Variants in TMEM248 observed in about 807,000 individuals in gnomAD.
TMEM248 encodes the protein UPF0458 protein C7orf42.
A neutral mutation model predicts 30.3 loss-of-function variants in TMEM248; 9 were observed. That is an observed-to-expected ratio of 0.30 (90% CI 0.18 to 0.52). TMEM248 has a LOEUF of 0.52. Among genes scored for constraint, TMEM248 ranks in the 20% least tolerant of loss-of-function variants. The probability of loss-of-function intolerance (pLI) is 0.97; values close to 1 mark genes in which losing one functional copy is unlikely to be tolerated. For synonymous variants in TMEM248, 184 were observed against 154.4 expected (o/e 1.19, Z -1.42); for missense variants, 338 against 403.3 (o/e 0.84, Z 1.39).
In TMEM248 at chr7:66,948,687, G is replaced by A. The variant is rs764985004; in HGVS notation, c.589G>A (p.Val197Ile). Reference protein sequence around the residue: ...TLTASPGVFPVTVQPPHCVPD... With the variant: ...TLTASPGVFPITVQPPHCVPD... ...CACGGCCAGCCCTGGGGTGTTCCCC[G>A]TCACTGTGTAAGTGTACCCGGCACC... The change falls in exon 4 of 7, where the codon GTC (valine) becomes ATC (isoleucine). Residue 197 changes from valine to isoleucine, a missense_variant. Physicochemically the swap from Val to Ile is conservative, Grantham distance 29. Coordinates refer to ENST00000341567, the MANE Select transcript of TMEM248 (RefSeq NM_017994.5). 7.5e-6 allele frequency: 12 copies of A among 1,609,714 alleles called. No homozygotes were observed. Among genetic ancestry groups the A allele is most frequent in the Middle Eastern group, 3.3e-4 (2 of 5,986 alleles).
At chr7:66,942,896 G>A (rs1312459742) in intron 2 of TMEM248, among the ~76,000 whole-genome samples, 1 of 151,184 alleles carries the variant, frequency 6.6e-6, no homozygotes, top group Non-Finnish European at 1.5e-5. Context: ...GAGTGGGGCT[G>A]GGAGTGCGTG....
rs1354449817 is a variant in TMEM248, at chr7:66,955,635, T to C, written c.*113T>C. 3 of 1,304,510 alleles carry C rather than the reference T, an allele frequency of 2.3e-6. No homozygotes were observed. The highest frequency in any genetic ancestry group is 3.2e-6 in the Non-Finnish European group (3 of 924,852). The allele number at this position is 1,304,510 out of a possible 1,614,324, so 80.8% of individuals were successfully genotyped here. On this transcript the variant is annotated 3_prime_UTR_variant, in exon 7 of 7. Transcript: ENST00000341567. Reference sequence around the variant, plus strand: ...TACATTATCTTGCGATGTTGGGTTATTCCAGCCAAAGACATTTCAAGTGCC... The same window carrying C: ...TACATTATCTTGCGATGTTGGGTTACTCCAGCCAAAGACATTTCAAGTGCC...
chr7:66,948,498 A>G, intron 3 of TMEM248, 46 bp from the exon 4 acceptor site: 7 of 1,585,336 alleles, frequency 4.4e-6, no homozygotes, highest in African/African-American at 1.3e-5. Flanking sequence ...GAGAATGACA[A>G]GTACGTGGTT....
chr7:66,946,066 CAG>C (rs1792094126), intron 3 of TMEM248, among the ~76,000 whole-genome samples: 1 of 142,966 alleles, frequency 7.0e-6, no homozygotes, highest in Admixed American at 7.4e-5. Context: ...GCCTGGGCGA[CAG>C]AGGGAGACTC....
In TMEM248 at chr7:66,955,603, C is replaced by G; in HGVS notation, c.*81C>G. On this transcript the variant is annotated 3_prime_UTR_variant, in exon 7 of 7. Coordinates refer to ENST00000341567, the MANE Select transcript of TMEM248 (RefSeq NM_017994.5). Reference sequence around the variant, plus strand: ...TGAACCCAGCCTGGGCCTGGATGCTCTGTGAATACATTATCTTGCGATGTT... The same window carrying G: ...TGAACCCAGCCTGGGCCTGGATGCTGTGTGAATACATTATCTTGCGATGTT... The G allele has an allele frequency of 6.6e-7, 1 of 1,518,744 alleles. No homozygotes were observed. The highest frequency in any genetic ancestry group is 9.1e-7 in the Non-Finnish European group (1 of 1,100,302). The allele number at this position is 1,518,744 out of a possible 1,614,324, so 94.1% of individuals were successfully genotyped here.
At chr7:66,954,507 G>A (rs1039918740) in intron 6 of TMEM248, among the ~76,000 whole-genome samples, 10 of 150,880 alleles carry the variant, frequency 6.6e-5, no homozygotes, top group African/African-American at 2.4e-4. Flanking sequence ...AGGCTCAAGC[G>A]ATCGTCAACC....
At chr7:66,930,533 G>C (rs964817845) in intron 1 of TMEM248, 5 of 152,182 alleles carry the variant, frequency 3.3e-5, no homozygotes, top group African/African-American at 1.2e-4. Flanking sequence ...CTCCAGCTTT[G>C]GACTTAGCAG....
chr7:66,922,047 G>C (rs1451322346), intron 1 of TMEM248: 1 of 152,158 alleles, frequency 6.6e-6, no homozygotes. Context: ...AACCAGGCTT[G>C]TTGTGCTGTT....
intron 1 of TMEM248, among the ~76,000 whole-genome samples, chr7:66,925,022 A>T (rs903452167): frequency 6.6e-6 from 1 of 151,680 alleles, no homozygotes; most frequent in Non-Finnish European, 1.5e-5. Context: ...TTTTTTAATT[A>T]AAAAAAATAA....
chr7:66,955,054 C>G (rs62466580), intron 6 of TMEM248, among the ~76,000 whole-genome samples: 24,349 of 152,074 alleles, frequency 0.16, 2,336 homozygotes, highest in East Asian at 0.29. Flanking sequence ...CTTGAGCCCA[C>G]GAGTTCAAGA....
intron 5 of TMEM248, among the ~76,000 whole-genome samples, chr7:66,952,367 C>A (rs571104778): frequency 6.6e-6 from 1 of 152,234 alleles, no homozygotes; most frequent in African/African-American, 2.4e-5. Flanking sequence ...AGCCACTATG[C>A]CCGACCTTTG....
intron 6 of TMEM248, among the ~76,000 whole-genome samples, chr7:66,954,883 T>C (rs977447259): frequency 2.6e-5 from 4 of 152,290 alleles, no homozygotes; most frequent in African/African-American, 7.2e-5. Context: ...TGTTCTCAAG[T>C]CTCCACTGGA....
intron 1 of TMEM248, among the ~76,000 whole-genome samples, chr7:66,928,555 A>T (rs993266058): frequency 6.6e-6 from 1 of 152,184 alleles, no homozygotes; most frequent in Non-Finnish European, 1.5e-5. Context: ...AAGGATTAAA[A>T]AATATGTTAA....
rs189170752 is a variant in TMEM248 at position 66,932,079 on chromosome 7, C to T, written c.-18-9769C>T. 2.9e-4 allele frequency among the ~76,000 whole-genome samples: 44 copies of T among 152,120 alleles called. No homozygotes were observed. In the East Asian group the frequency reaches 6.8e-3, roughly 23 times the overall value. On this transcript the variant is annotated intron_variant, in intron 1 of 6. Coordinates refer to ENST00000341567, the MANE Select transcript of TMEM248 (RefSeq NM_017994.5). The stretch of plus-strand genomic sequence containing the variant: ...TTGGCCTCCCAAAGTGCTGGGATTA[C>T]AGGCGTGAGCCACTGCACCCATCCG...
At chr7:66,948,976 C>T (rs771839155) in intron 4 of TMEM248, among the ~76,000 whole-genome samples, 7 of 151,954 alleles carry the variant, frequency 4.6e-5, no homozygotes, top group Non-Finnish European at 7.4e-5. Flanking sequence ...CTGTCTTTCC[C>T]GCAGGAGTAG....
At chr7:66,939,622 C>T (rs1791894359) in intron 1 of TMEM248, among the ~76,000 whole-genome samples, 1 of 152,204 alleles carries the variant, frequency 6.6e-6, no homozygotes. Context: ...GGCCAGGGGC[C>T]AGGGCTGTAG....
At chr7:66,951,292 T>C in intron 5 of TMEM248, 157 bp downstream of exon 5, 1 of 592,558 alleles carries the variant, frequency 1.7e-6, no homozygotes, top group Non-Finnish European at 2.6e-6. Context: ...CTAGGCGGAG[T>C]GGTGGATGCT....
intron 2 of TMEM248, among the ~76,000 whole-genome samples, chr7:66,943,852 C>T (rs1045177036): frequency 6.6e-6 from 1 of 150,994 alleles, no homozygotes; most frequent in Non-Finnish European, 1.5e-5. Flanking sequence ...GGCTGGACTT[C>T]AGTGGCGCGA....
At chr7:66,925,184 C>G (rs991400234) in intron 1 of TMEM248, among the ~76,000 whole-genome samples, 2 of 151,948 alleles carry the variant, frequency 1.3e-5, no homozygotes, top group African/African-American at 4.8e-5. Flanking sequence ...CCACACCTGG[C>G]TAATTTTTTG....
Sources: gnomAD v4.1 joint callset for allele counts (sites outside exome capture counted in the v4.1 genomes callset) on GRCh38, gnomAD v4.1.1 for gene constraint, MANE v1.5 for transcripts, NCBI Gene and HGNC (gene_info 2026-07-23, HGNC 2026-07-21) for gene names.